MBD5: variants seen among roughly 807,000 people sequenced by gnomAD.
MBD5 encodes the protein methyl-CpG binding domain protein 5.
Under a neutral mutation model 117.3 loss-of-function variants are expected in MBD5, and 13 were observed. The ratio of observed to expected loss-of-function variants is 0.11; its 90% CI spans 0.07 to 0.18. MBD5 has a LOEUF of 0.18. Ranked by LOEUF, MBD5 falls within the 10% of genes least tolerant of loss-of-function variation. The probability of loss-of-function intolerance (pLI) is 1.00; values close to 1 mark genes in which losing one functional copy is unlikely to be tolerated. For missense variants in MBD5, 1,879 were observed against 2,093.8 expected, an observed-to-expected ratio of 0.90 and a Z score of 2.00; for synonymous variants, 727 against 766.4, an observed-to-expected ratio of 0.95 and a Z score of 0.85.
intron 4 of MBD5, among the ~76,000 whole-genome samples, chr2:148,441,278 C>T (rs1392186807): frequency 6.6e-6 from 1 of 152,070 alleles, no homozygotes; most frequent in Non-Finnish European, 1.5e-5. Flanking sequence ...ACCACAGGCC[C>T]CAGTGTGTGA....
intron 3 of MBD5, among the ~76,000 whole-genome samples, chr2:148,237,790 A>G (rs1700122543): frequency 6.6e-6 from 1 of 152,204 alleles, no homozygotes; most frequent in Non-Finnish European, 1.5e-5. Context: ...ACAAAGCACA[A>G]GAAAATGAGG....
At chr2:148,471,797 G>A (rs1680806044) in intron 8 of MBD5, 1 of 151,972 alleles carries the variant, frequency 6.6e-6, no homozygotes, top group South Asian at 2.1e-4. Flanking sequence ...AAAACTTTAT[G>A]TTTTATGTGT....
At chr2:148,429,234 C>T (rs748908869) in intron 4 of MBD5, among the ~76,000 whole-genome samples, 1 of 151,980 alleles carries the variant, frequency 6.6e-6, no homozygotes, top group Non-Finnish European at 1.5e-5. Flanking sequence ...AGCCAACAAA[C>T]ATATGAAAAA....
intron 4 of MBD5, among the ~76,000 whole-genome samples, chr2:148,420,132 T>A (rs892658684): frequency 3.3e-5 from 5 of 152,166 alleles, no homozygotes; most frequent in Admixed American, 6.5e-5. Context: ...TATATGAGCA[T>A]TTAATGACTT....
intron 4 of MBD5, among the ~76,000 whole-genome samples, chr2:148,383,971 A>G (rs1368945445): frequency 6.6e-6 from 1 of 152,212 alleles, no homozygotes; most frequent in Non-Finnish European, 1.5e-5. Context: ...CAAAATAATG[A>G]GAGTTATCTA....
At chr2:148,451,560 C>A (rs574282802) in intron 4 of MBD5, among the ~76,000 whole-genome samples, 49 of 151,992 alleles carry the variant, frequency 3.2e-4, no homozygotes, top group African/African-American at 1.2e-3. Context: ...CATAATTCAG[C>A]CAATAATGAT....
intron 4 of MBD5, among the ~76,000 whole-genome samples, chr2:148,437,814 G>GC (rs1361772101): frequency 6.6e-6 from 1 of 152,092 alleles, no homozygotes; most frequent in Non-Finnish European, 1.5e-5. Flanking sequence ...TTTGCACCCA[G>GC]CTTTATGACT....
rs1696435936 is a variant in MBD5, at chr2:148,108,757, A to T, written c.-924-69943A>T. ...TGGTATTTTAATTGTTTTAAGTGGT[A>T]CTCATGTTACAGGACATAGAAGTCT... On this transcript the variant is annotated intron_variant, in intron 1 of 13. Transcript: ENST00000642680. Among the ~76,000 whole-genome samples, 3 of 152,116 alleles carry T rather than the reference A, an allele frequency of 2.0e-5. No homozygotes were observed. In the South Asian group the frequency reaches 6.2e-4, roughly 32 times the overall value.
At chr2:148,106,876 A>G (rs1444432796) in intron 1 of MBD5, among the ~76,000 whole-genome samples, 1 of 152,050 alleles carries the variant, frequency 6.6e-6, no homozygotes, top group Non-Finnish European at 1.5e-5. Context: ...TCATTTTAAC[A>G]ATGTAATAAA....
intron 4 of MBD5, among the ~76,000 whole-genome samples, chr2:148,451,704 G>A (rs1706733433): frequency 6.6e-6 from 1 of 152,018 alleles, no homozygotes; most frequent in Non-Finnish European, 1.5e-5. Flanking sequence ...TGTATATATT[G>A]TTTTGGAATA....
intron 3 of MBD5, among the ~76,000 whole-genome samples, chr2:148,280,131 CAAAAAAA>C (rs3076398): frequency 1.1e-5 from 1 of 91,886 alleles, no homozygotes; most frequent in African/African-American, 4.0e-5. Flanking sequence ...AAACTAACTG[CAAAAAAA>C]AAAAAAAAAA....
intron 3 of MBD5, among the ~76,000 whole-genome samples, chr2:148,240,792 G>C (rs1574180887): frequency 6.6e-6 from 1 of 152,202 alleles, no homozygotes; most frequent in Admixed American, 6.5e-5. Flanking sequence ...CCAATGTGCT[G>C]TTAAGCCTAT....
At chr2:148,375,755 T>A (rs1434216544) in intron 4 of MBD5, among the ~76,000 whole-genome samples, 1 of 152,172 alleles carries the variant, frequency 6.6e-6, no homozygotes, top group African/African-American at 2.4e-5. Context: ...TCATCTTAAA[T>A]CTTCATTGCA....
At chr2:148,258,136 C>T (rs1423007135) in intron 3 of MBD5, among the ~76,000 whole-genome samples, 1 of 152,076 alleles carries the variant, frequency 6.6e-6, no homozygotes, top group East Asian at 1.9e-4. Context: ...TGTGGCAGAT[C>T]CTGAGGCTGG....
In MBD5 at chr2:148,322,785, T is replaced by A. The variant is rs552690000; in HGVS notation, c.-679-19429T>A. 1.1e-4 allele frequency among the ~76,000 whole-genome samples: 16 copies of A among 152,300 alleles called. 1 individual carries two copies. In the East Asian group the frequency reaches 3.1e-3, roughly 29 times the overall value. On this transcript the variant is annotated intron_variant, in intron 3 of 13. Coordinates refer to ENST00000642680, the MANE Select transcript of MBD5 (RefSeq NM_001378120.1). ...TTTAGTGAGTCAAAAGTTATATATA[T>A]AACTTTTATACATAAAAACCTGATG...
intron 1 of MBD5, among the ~76,000 whole-genome samples, chr2:148,128,150 T>C (rs894477261): frequency 1.3e-5 from 2 of 152,210 alleles, no homozygotes; most frequent in Non-Finnish European, 2.9e-5. Flanking sequence ...GATGGATAGA[T>C]TGCAAAAGCT....
chr2:148,443,437 C>T (rs923186473), intron 4 of MBD5, among the ~76,000 whole-genome samples: 1 of 151,396 alleles, frequency 6.6e-6, no homozygotes, highest in African/African-American at 2.5e-5. Context: ...TATCTGCACT[C>T]TCATGTTTAT....
At chr2:148,431,542 C>A (rs76775487) in intron 4 of MBD5, among the ~76,000 whole-genome samples, 20,881 of 152,046 alleles carry the variant, frequency 0.14, 1,671 homozygotes, top group Middle Eastern at 0.19. Flanking sequence ...TCTCTCCCCC[C>A]ACCTCCACTC....
At chr2:148,106,957 C>A (rs2105329773) in intron 1 of MBD5, among the ~76,000 whole-genome samples, 1 of 151,784 alleles carries the variant, frequency 6.6e-6, no homozygotes, top group East Asian at 1.9e-4. Flanking sequence ...TCTTGTCATT[C>A]CTTTGGCATT....
Sources: gnomAD v4.1 joint callset for allele counts (sites outside exome capture counted in the v4.1 genomes callset) on GRCh38, gnomAD v4.1.1 for gene constraint, MANE v1.5 for transcripts, NCBI Gene and HGNC (gene_info 2026-07-23, HGNC 2026-07-21) for gene names.